CDH13: variants seen among roughly 807,000 people sequenced by gnomAD.
The protein encoded by CDH13 is cadherin-13.
A neutral mutation model predicts 63.8 loss-of-function variants in CDH13; 24 were observed. The observed-to-expected ratio is 0.38, with a 90% CI of 0.27 to 0.53. The LOEUF (loss-of-function observed/expected upper bound fraction) is 0.53, where lower values mean the gene tolerates loss of function less well. Among genes scored for constraint, CDH13 ranks in the 20% least tolerant of loss-of-function variants. The pLI is 0.85. For synonymous variants in CDH13, 503 were observed against 355.3 expected (o/e 1.42, Z -4.67); for missense variants, 1,049 against 903.1 (o/e 1.16, Z -2.07).
chr16:83,508,922 A>C (rs1482295460), intron 7 of CDH13, among the ~76,000 whole-genome samples: 1 of 152,114 alleles, frequency 6.6e-6, no homozygotes, highest in East Asian at 1.9e-4. Context: ...GTACTTTCTC[A>C]TGCTGCTAAT....
intron 10 of CDH13, among the ~76,000 whole-genome samples, chr16:83,678,920 C>T (rs1162600331): frequency 6.6e-6 from 1 of 152,172 alleles, no homozygotes; most frequent in Admixed American, 6.5e-5. Flanking sequence ...AGCAGCCCAG[C>T]TTGGTGGTAG....
At chr16:83,432,640 C>G (rs1229345081) in intron 6 of CDH13, among the ~76,000 whole-genome samples, 2 of 152,150 alleles carry the variant, frequency 1.3e-5, no homozygotes, top group Non-Finnish European at 2.9e-5. Context: ...TCACTTCACT[C>G]TGGGTGGAGA....
intron 8 of CDH13, among the ~76,000 whole-genome samples, chr16:83,612,284 C>T (rs1006539460): frequency 6.6e-6 from 1 of 151,978 alleles, no homozygotes; most frequent in Non-Finnish European, 1.5e-5. Context: ...CAAATGCTTT[C>T]TGCTTTAACA....
At chr16:83,395,128 A>T (rs934889016) in intron 6 of CDH13, among the ~76,000 whole-genome samples, 1 of 142,386 alleles carries the variant, frequency 7.0e-6, no homozygotes, top group African/African-American at 2.7e-5. Context: ...AGCCTGGACG[A>T]CAGAGCGAGA....
At chr16:83,603,728 A>G (rs143791689) in intron 8 of CDH13, among the ~76,000 whole-genome samples, 15 of 152,272 alleles carry the variant, frequency 9.9e-5, no homozygotes, top group East Asian at 1.9e-4. Flanking sequence ...GAGTTCCCCA[A>G]TGGCCTCTGT....
intron 2 of CDH13, among the ~76,000 whole-genome samples, chr16:82,968,552 G>A (rs1449381834): frequency 1.3e-5 from 2 of 152,136 alleles, no homozygotes; most frequent in African/African-American, 4.8e-5. Flanking sequence ...ATGCTTTTTG[G>A]TTTCTCTCCA....
intron 7 of CDH13, among the ~76,000 whole-genome samples, chr16:83,499,957 CACG>C (rs1169237753): frequency 6.6e-6 from 1 of 152,118 alleles, no homozygotes; most frequent in African/African-American, 2.4e-5. Context: ...CGCCTGCCAC[CACG>C]CGCAGCTAAT....
chr16:82,676,214 G>A (rs1913880068), intron 1 of CDH13, among the ~76,000 whole-genome samples: 1 of 152,160 alleles, frequency 6.6e-6, no homozygotes, highest in Non-Finnish European at 1.5e-5. Flanking sequence ...CTCCAGAGCT[G>A]TATACCCACT....
chr16:83,296,773 G>A (rs2089608448), intron 5 of CDH13, among the ~76,000 whole-genome samples: 1 of 152,128 alleles, frequency 6.6e-6, no homozygotes, highest in African/African-American at 2.4e-5. Context: ...AAATTGTTAA[G>A]TACAACAGCA....
chr16:82,698,945 A>C (rs1567639928), intron 1 of CDH13, among the ~76,000 whole-genome samples: 1 of 152,042 alleles, frequency 6.6e-6, no homozygotes, highest in East Asian at 1.9e-4. Context: ...TAATCCTTTA[A>C]AAATGTAAAA....
chr16:82,725,855 AATT>A (rs1163030306), intron 1 of CDH13, among the ~76,000 whole-genome samples: 2 of 152,142 alleles, frequency 1.3e-5, no homozygotes, highest in East Asian at 3.9e-4. Flanking sequence ...TTAACCAGAT[AATT>A]ATTGCAGTTC....
intron 7 of CDH13, among the ~76,000 whole-genome samples, chr16:83,487,038 G>A (rs1230434499): frequency 6.6e-6 from 1 of 152,146 alleles, no homozygotes; most frequent in Non-Finnish European, 1.5e-5. Context: ...AGATCACACA[G>A]GCTGTCCTTG....
At chr16:83,103,495 C>G (rs890533234) in intron 3 of CDH13, among the ~76,000 whole-genome samples, 1 of 152,112 alleles carries the variant, frequency 6.6e-6, no homozygotes. Context: ...ATCCACCCAC[C>G]TCGGCCTCCC....
chr16:82,904,443 T>C (rs1316924057), intron 2 of CDH13, among the ~76,000 whole-genome samples: 1 of 152,200 alleles, frequency 6.6e-6, no homozygotes. Context: ...CCTCGTTGGT[T>C]CACCTTGCTC....
chr16:83,490,755 G>T (rs1263435504), intron 7 of CDH13, among the ~76,000 whole-genome samples: 1 of 152,230 alleles, frequency 6.6e-6, no homozygotes, highest in African/African-American at 2.4e-5. Flanking sequence ...TGGCTTGAAA[G>T]CAGGTGAACT....
intron 2 of CDH13, among the ~76,000 whole-genome samples, chr16:82,925,568 C>T (rs1464474093): frequency 6.6e-6 from 1 of 152,142 alleles, no homozygotes; most frequent in African/African-American, 2.4e-5. Flanking sequence ...GTGTCCCCAG[C>T]CATTGTGGCA....
chr16:83,233,703 C>T (rs1307747024), intron 5 of CDH13, among the ~76,000 whole-genome samples: 1 of 152,230 alleles, frequency 6.6e-6, no homozygotes, highest in African/African-American at 2.4e-5. Flanking sequence ...ATCCCCAGCC[C>T]TCTTTCCTTT....
chr16:83,063,641 T>C (rs1399428465), intron 3 of CDH13, among the ~76,000 whole-genome samples: 1 of 152,222 alleles, frequency 6.6e-6, no homozygotes, highest in African/African-American at 2.4e-5. Flanking sequence ...TTATCTCTAC[T>C]AGTTTCCTGT....
chr16:83,615,287 A>T (rs907240405), intron 8 of CDH13, among the ~76,000 whole-genome samples: 3 of 152,116 alleles, frequency 2.0e-5, no homozygotes, highest in Non-Finnish European at 2.9e-5. Flanking sequence ...ACGTAATTAC[A>T]CATTCTGCTT....
Sources: gnomAD v4.1 joint callset for allele counts (sites outside exome capture counted in the v4.1 genomes callset) on GRCh38, gnomAD v4.1.1 for gene constraint, MANE v1.5 for transcripts, NCBI Gene and HGNC (gene_info 2026-07-23, HGNC 2026-07-21) for gene names.